The following ARMC9 variants were observed in gnomAD, a reference collection of about 807,000 sequenced individuals.
ARMC9 encodes the protein lisH domain-containing protein ARMC9.
A neutral mutation model predicts 107.0 loss-of-function variants in ARMC9; 94 were observed. That is an observed-to-expected ratio of 0.88 (90% confidence interval 0.74 to 1.04). ARMC9 has a LOEUF of 1.04. ARMC9 is among the 50% of genes least tolerant of loss of function. The pLI is 0.00. For synonymous variants in ARMC9, 380 were observed against 396.9 expected, an observed-to-expected ratio of 0.96 and a Z score of 0.51; for missense variants, 942 against 1,030.1, an observed-to-expected ratio of 0.91 and a Z score of 1.17.
rs376296930 is a variant in ARMC9, at chr2:231,271,059, G to A, written c.1197G>A (p.Ala399=). Residue 399 remains alanine (A), a synonymous_variant, in exon 13 of 25, where the codon GCG becomes GCA. Coordinates refer to ENST00000611582, the MANE Select transcript of ARMC9 (RefSeq NM_001352754.2). ...QYMARLINAF[A]SLAEGRLYLA... ...TGGCCAGGCTCATCAATGCTTTTGC[G>A]TCACTGGCAGAAGGTGAGACATCAG... 99 of 1,613,950 alleles carry A rather than the reference G, an allele frequency of 6.1e-5. No homozygotes were observed. The highest frequency in any genetic ancestry group is 1.3e-4 in the African/African-American group (10 of 74,910).
intron 19 of ARMC9, among the ~76,000 whole-genome samples, chr2:231,324,186 G>A (rs1223121844): frequency 7.5e-6 from 1 of 134,046 alleles, no homozygotes; most frequent in Non-Finnish European, 1.5e-5. Context: ...GGAGTGCAGT[G>A]GTGCAATCTC....
rs529426171 is a variant in ARMC9, at chr2:231,245,327, A to G, written c.879+5286A>G. Among the ~76,000 whole-genome samples, 4 of 152,284 alleles carry G rather than the reference A, an allele frequency of 2.6e-5. No individual in the cohort carries two copies. In the East Asian group the frequency reaches 5.8e-4, roughly 22 times the overall value. ...CAAGAGGCTGAGTTTTTTGTTTTCTAAGATTACGCAAGTCACGCGGGTGTG... is the reference window on the plus strand; with the variant it reads ...CAAGAGGCTGAGTTTTTTGTTTTCTGAGATTACGCAAGTCACGCGGGTGTG... On this transcript the variant is annotated intron_variant, in intron 9 of 24. Coordinates refer to ENST00000611582, the MANE Select transcript of ARMC9 (RefSeq NM_001352754.2).
At chr2:231,302,751 T>G (rs1190601463) in intron 19 of ARMC9, among the ~76,000 whole-genome samples, 1 of 152,164 alleles carries the variant, frequency 6.6e-6, no homozygotes, top group Admixed American at 6.5e-5. Flanking sequence ...GCCTGTAATC[T>G]CAGCACTTTC....
At chr2:231,206,903 C>T (rs910299518) in intron 2 of ARMC9, among the ~76,000 whole-genome samples, 7 of 152,218 alleles carry the variant, frequency 4.6e-5, no homozygotes, top group African/African-American at 1.2e-4. Flanking sequence ...CTGCAGGTTG[C>T]GAGAGCCACG....
chr2:231,235,897 C>T (rs1480880478), intron 8 of ARMC9, among the ~76,000 whole-genome samples: 1 of 152,194 alleles, frequency 6.6e-6, no homozygotes, highest in Non-Finnish European at 1.5e-5. Flanking sequence ...CAGCCTTGGC[C>T]TCCCAAAGTG....
chr2:231,321,394 T>G (rs1165063682), intron 19 of ARMC9, among the ~76,000 whole-genome samples: 1 of 152,192 alleles, frequency 6.6e-6, no homozygotes. Context: ...AGGAGGCTGG[T>G]CCCAGGCCAC....
intron 19 of ARMC9, among the ~76,000 whole-genome samples, chr2:231,323,505 C>T (rs1003873316): frequency 6.6e-6 from 1 of 152,106 alleles, no homozygotes; most frequent in African/African-American, 2.4e-5. Context: ...GTTAAGCTGC[C>T]CTTCCCACCT....
At position 231,257,110 on chromosome 2, in the gene ARMC9, T is replaced by C. The variant is rs138954555; in HGVS notation, c.914+490T>C. Among the ~76,000 whole-genome samples, 1,062 of 152,354 alleles carry C rather than the reference T, an allele frequency of 7.0e-3. 17 individuals carry two copies. Among genetic ancestry groups the C allele is most frequent in the African/African-American group, 0.024 (1,014 of 41,584 alleles). ...GAATATAGGCGTGAGCCACCGCGCC[T>C]GGCCATCTTATATTGTTAATTCTAT... On this transcript the variant is annotated intron_variant, in intron 10 of 24. Transcript: ENST00000611582.
intron 22 of ARMC9, among the ~76,000 whole-genome samples, chr2:231,357,593 A>C (rs1304853559): frequency 6.9e-6 from 1 of 144,902 alleles, no homozygotes. Context: ...ATTTTATTTT[A>C]TTTTGAGACA....
intron 16 of ARMC9, among the ~76,000 whole-genome samples, 188 bp downstream of exon 16, chr2:231,278,646 A>C (rs1323252386): frequency 6.6e-6 from 1 of 152,234 alleles, no homozygotes; most frequent in Non-Finnish European, 1.5e-5. Context: ...TTTGGAAGTC[A>C]GAAGCAGGAT....
At chr2:231,319,258 G>A (rs7590204) in intron 19 of ARMC9, among the ~76,000 whole-genome samples, 42,870 of 152,088 alleles carry the variant, frequency 0.28, 6,501 homozygotes, top group Non-Finnish European at 0.33. Context: ...GCCCAAAGGC[G>A]CTGGGACCAG....
At chr2:231,265,345 T>C (rs2038758631) in intron 12 of ARMC9, among the ~76,000 whole-genome samples, 1 of 152,152 alleles carries the variant, frequency 6.6e-6, no homozygotes. Context: ...GGAACCAACC[T>C]AAGTGCCCAT....
At chr2:231,214,679 G>A in intron 3 of ARMC9, 152 bp from the exon 4 acceptor site, 1 of 770,158 alleles carries the variant, frequency 1.3e-6, no homozygotes, top group East Asian at 2.7e-5. Flanking sequence ...AGGAATCGCA[G>A]GCTCAGGAGC....
intron 20 of ARMC9, among the ~76,000 whole-genome samples, chr2:231,342,157 A>T (rs1225319751): frequency 2.0e-5 from 3 of 152,240 alleles, no homozygotes; most frequent in Non-Finnish European, 4.4e-5. Flanking sequence ...AGCCCAGGCC[A>T]GCAAGAACAG....
At chr2:231,207,601 G>A (rs1204202984) in intron 2 of ARMC9, among the ~76,000 whole-genome samples, 5 of 151,710 alleles carry the variant, frequency 3.3e-5, no homozygotes, top group African/African-American at 1.2e-4. Context: ...TCAGCCTCCC[G>A]AGTAGCTGGG....
At chr2:231,302,547 A>T (rs142864008) in intron 19 of ARMC9, among the ~76,000 whole-genome samples, 119 of 150,120 alleles carry the variant, frequency 7.9e-4, no homozygotes, top group African/African-American at 2.7e-3. Context: ...ATTGAAGGAC[A>T]TAAAGAAAAT....
intron 19 of ARMC9, among the ~76,000 whole-genome samples, chr2:231,323,480 A>G (rs2043116308): frequency 6.6e-6 from 1 of 152,126 alleles, no homozygotes; most frequent in South Asian, 2.1e-4. Context: ...GGTTGAATGA[A>G]GCTCTGGCTT....
chr2:231,353,978 TATAC>T (rs1345212197), intron 21 of ARMC9, among the ~76,000 whole-genome samples: 52 of 138,298 alleles, frequency 3.8e-4, no homozygotes, highest in African/African-American at 1.3e-3. Flanking sequence ...TATATGTATA[TATAC>T]ACACACACAC....
At chr2:231,314,969 C>G (rs567681927) in intron 19 of ARMC9, among the ~76,000 whole-genome samples, 117 of 152,156 alleles carry the variant, frequency 7.7e-4, no homozygotes, top group African/African-American at 2.7e-3. Flanking sequence ...ATAAATTGGC[C>G]GGGTGCGGTG....
Sources: allele counts gnomAD v4.1 joint callset (sites outside exome capture counted in the v4.1 genomes callset), GRCh38; gene constraint gnomAD v4.1.1; transcripts MANE v1.5; gene names NCBI Gene and HGNC (gene_info 2026-07-23, HGNC 2026-07-21).